The following CNTNAP4 variants were observed in gnomAD, a reference collection of about 807,000 sequenced individuals.
CNTNAP4 encodes the protein contactin associated protein family member 4, also known as contactin-associated protein-like 4.
CNTNAP4 carries 98 observed loss-of-function variants against 148.4 expected under a neutral mutation model. That is an observed-to-expected ratio of 0.66 (90% CI 0.56 to 0.78). The LOEUF is 0.78. CNTNAP4 is among the 30% of genes least tolerant of loss of function. CNTNAP4 has a pLI of 0.00. For missense variants in CNTNAP4, 1,935 were observed against 1,565.6 expected (o/e 1.24, Z -3.98); for synonymous variants, 730 against 565.1 (o/e 1.29, Z -4.14).
chr16:76,538,015 CTA>C (rs2144265981), intron 18 of CNTNAP4, 99 bp from the exon 19 acceptor site: 1 of 449,832 alleles, frequency 2.2e-6, no homozygotes, highest in East Asian at 4.1e-5. Flanking sequence ...GTTCTTCTAT[CTA>C]TGCAATTCAT....
chr16:76,392,952 C>G (rs1223975715), intron 3 of CNTNAP4, among the ~76,000 whole-genome samples: 5 of 152,196 alleles, frequency 3.3e-5, no homozygotes, highest in Non-Finnish European at 5.9e-5. Flanking sequence ...GCCTTTGCAT[C>G]TTGCCTCACC....
At chr16:76,433,841 A>G (rs2145093344) in intron 4 of CNTNAP4, among the ~76,000 whole-genome samples, 1 of 152,292 alleles carries the variant, frequency 6.6e-6, no homozygotes, top group South Asian at 2.1e-4. Flanking sequence ...ATTATCTATC[A>G]GCTAATATAG....
intron 1 of CNTNAP4, among the ~76,000 whole-genome samples, chr16:76,315,289 A>G (rs1473362735): frequency 1.3e-5 from 2 of 152,174 alleles, no homozygotes; most frequent in African/African-American, 4.8e-5. Flanking sequence ...AATTACTAAT[A>G]TTTATATATC....
chr16:76,373,052 G>T (rs1405793790), intron 3 of CNTNAP4, among the ~76,000 whole-genome samples: 1 of 152,146 alleles, frequency 6.6e-6, no homozygotes, highest in Non-Finnish European at 1.5e-5. Flanking sequence ...CAGCACAGGG[G>T]TCACTGTACA....
At chr16:76,283,633 A>G (rs1475936356) in intron 1 of CNTNAP4, among the ~76,000 whole-genome samples, 2 of 151,876 alleles carry the variant, frequency 1.3e-5, no homozygotes, top group Non-Finnish European at 1.5e-5. Context: ...ACATAGAGGG[A>G]AACAACACAC....
intron 3 of CNTNAP4, among the ~76,000 whole-genome samples, chr16:76,422,210 AATGAAGGCTTT>A (rs1330715447): frequency 6.6e-6 from 1 of 152,146 alleles, no homozygotes; most frequent in Non-Finnish European, 1.5e-5. Context: ...AGAAAAATAC[AATGAAGGCTTT>A]TTGGTTTTTA....
chr16:76,547,372 T>C (rs2084782539), intron 21 of CNTNAP4, among the ~76,000 whole-genome samples: 1 of 152,188 alleles, frequency 6.6e-6, no homozygotes, highest in African/African-American at 2.4e-5. Flanking sequence ...AATGATGTAA[T>C]TTAACACACA....
chr16:76,493,850 T>G (rs1388703254), intron 13 of CNTNAP4, among the ~76,000 whole-genome samples: 1 of 152,172 alleles, frequency 6.6e-6, no homozygotes, highest in Non-Finnish European at 1.5e-5. Context: ...GGGAGAGAGC[T>G]TGTCAGCATT....
chr16:76,397,970 A>G lies in CNTNAP4; in HGVS notation c.391-29482A>G, dbSNP rs956177279. Among the ~76,000 whole-genome samples, 108 of 54,996 alleles carry G rather than the reference A, an allele frequency of 2.0e-3. 6 individuals are homozygous for G. The highest frequency in any genetic ancestry group is 5.5e-3 in the Admixed American group (30 of 5,496). 36.1% of individuals were successfully genotyped at this position (54,996 alleles called of 152,430 possible). On this transcript the variant is annotated intron_variant, in intron 3 of 23. Transcript: ENST00000611870. ...CATATATATATATATATATATATATATATATATATATATATATATATATAT... is the reference window on the plus strand; with the variant it reads ...CATATATATATATATATATATATATGTATATATATATATATATATATATAT...
chr16:76,296,931 T>C (rs562365719), intron 1 of CNTNAP4, among the ~76,000 whole-genome samples: 1 of 152,310 alleles, frequency 6.6e-6, no homozygotes, highest in South Asian at 2.1e-4. Context: ...ATTTGAGGCT[T>C]CCAGTTGCTC....
chr16:76,337,254 C>T (rs1964097948), intron 2 of CNTNAP4, among the ~76,000 whole-genome samples: 2 of 152,150 alleles, frequency 1.3e-5, no homozygotes, highest in Admixed American at 1.3e-4. Flanking sequence ...AAAGACTTTC[C>T]ACTATCTGGT....
intron 3 of CNTNAP4, among the ~76,000 whole-genome samples, chr16:76,365,804 A>G (rs1194661845): frequency 6.6e-6 from 1 of 151,242 alleles, no homozygotes; most frequent in Non-Finnish European, 1.5e-5. Flanking sequence ...TACTTTTTAT[A>G]AAGGTAATTC....
intron 15 of CNTNAP4, among the ~76,000 whole-genome samples, chr16:76,518,124 TTTTA>T (rs981471664): frequency 3.3e-5 from 5 of 151,906 alleles, no homozygotes; most frequent in East Asian, 1.9e-4. Context: ...AAAATTATTA[TTTTA>T]TTTATTTATT....
intron 3 of CNTNAP4, among the ~76,000 whole-genome samples, chr16:76,393,141 C>T (rs2078085351): frequency 6.6e-6 from 1 of 152,140 alleles, no homozygotes; most frequent in Non-Finnish European, 1.5e-5. Flanking sequence ...CAACTTTTTC[C>T]ATTAGGAAAC....
In CNTNAP4 at chr16:76,372,339, A is replaced by G. The variant is rs554738588; in HGVS notation, c.390+16828A>G. Among the ~76,000 whole-genome samples the G allele has an allele frequency of 2.2e-3, 328 of 150,262 alleles. 2 individuals carry two copies. Among genetic ancestry groups the G allele is most frequent in the African/African-American group, 7.3e-3 (300 of 40,856 alleles). On this transcript the variant is annotated intron_variant, in intron 3 of 23. Transcript: ENST00000611870. The stretch of plus-strand genomic sequence containing the variant: ...TTTTTTTTGTATTTTTAGTAGAGAC[A>G]GAGTTTCACTGTGTTAGCCAGGATG...
rs891008964 is a variant in CNTNAP4, at chr16:76,415,922, T to C, written c.391-11530T>C. On this transcript the variant is annotated intron_variant, in intron 3 of 23. Transcript: ENST00000611870. ...TGAGTAATTTCCCATTGTATAGATA[T>C]ACTGTTTGTTTTTTTTTTTTAACTC... Among the ~76,000 whole-genome samples, 9 of 83,286 alleles carry C rather than the reference T, an allele frequency of 1.1e-4. No individual in the cohort carries two copies. The South Asian group carries it at 1.4e-3, about 13-fold the overall frequency. 54.6% of individuals were successfully genotyped at this position (83,286 alleles called of 152,430 possible).
chr16:76,449,899 C>G, intron 7 of CNTNAP4, 41 bp downstream of exon 7: 5 of 1,527,562 alleles, frequency 3.3e-6, no homozygotes, highest in Non-Finnish European at 4.4e-6. Flanking sequence ...AACTATATTT[C>G]TTTTTTCCAC....
In CNTNAP4 at chr16:76,355,432, A is replaced by G. The variant is rs762784908; in HGVS notation, c.311A>G (p.Asn104Ser). 95 of 1,613,320 alleles carry G rather than the reference A, an allele frequency of 5.9e-5. No homozygotes were observed. The highest frequency in any genetic ancestry group is 7.5e-5 in the Non-Finnish European group (88 of 1,179,654). The change falls in exon 3 of 24, where the codon AAC becomes AGC. Residue 104 changes from asparagine (N) to serine (S), a missense_variant. Physicochemically the swap from Asn to Ser is conservative, Grantham distance 46. Coordinates refer to ENST00000611870, the MANE Select transcript of CNTNAP4 (RefSeq NM_033401.5). Reference protein sequence around the residue: ...VATQGGYGSSNWVTSYLLMFS... With the variant: ...VATQGGYGSSSWVTSYLLMFS... ...ACTCAAGGGGGATATGGTAGCTCCA[A>G]CTGGGTGACCAGCTACCTCCTGATG...
chr16:76,360,102 T>G (rs1054794725), intron 3 of CNTNAP4, among the ~76,000 whole-genome samples: 7 of 152,194 alleles, frequency 4.6e-5, no homozygotes, highest in African/African-American at 1.7e-4. Context: ...TGTACTTGAT[T>G]TTTCAAACAA....
Sources: gnomAD v4.1 joint callset for allele counts (sites outside exome capture counted in the v4.1 genomes callset) on GRCh38, gnomAD v4.1.1 for gene constraint, MANE v1.5 for transcripts, NCBI Gene and HGNC (gene_info 2026-07-23, HGNC 2026-07-21) for gene names.